Variants in SP1 observed in about 807,000 individuals in gnomAD.
SP1 encodes the protein Sp1 transcription factor, also known as transcription factor Sp1.
In SP1, 6 loss-of-function variants were observed where a neutral mutation model predicts 66.3. The observed-to-expected ratio is 0.09, with a 90% CI of 0.05 to 0.18. The LOEUF is 0.18. Ranked by LOEUF, SP1 falls within the 10% of genes least tolerant of loss-of-function variation. The pLI, the probability that SP1 is intolerant of heterozygous loss-of-function variation, is 1.00. For synonymous variants in SP1, 417 were observed against 360.8 expected (o/e 1.16, Z -1.77); for missense variants, 848 against 964.5 (o/e 0.88, Z 1.60).
chr12:53,392,145 A>G (rs1027273664), intron 3 of SP1, among the ~76,000 whole-genome samples: 4 of 152,068 alleles, frequency 2.6e-5, no homozygotes, highest in Non-Finnish European at 4.4e-5. Flanking sequence ...CTTCTCACCT[A>G]TATACAAAAT....
At chr12:53,391,846 C>G (rs1429847947) in intron 3 of SP1, among the ~76,000 whole-genome samples, 1 of 151,668 alleles carries the variant, frequency 6.6e-6, no homozygotes, top group African/African-American at 2.4e-5. Context: ...TGAGAACATG[C>G]AGTATTTTGT....
At chr12:53,385,742 G>A (rs952967694) in intron 3 of SP1, among the ~76,000 whole-genome samples, 31 of 151,910 alleles carry the variant, frequency 2.0e-4, no homozygotes, top group African/African-American at 4.1e-4. Context: ...GTGAAACCCC[G>A]TCTCTACTAA....
chr12:53,387,840 G>T (rs1046395947), intron 3 of SP1, among the ~76,000 whole-genome samples: 3 of 152,050 alleles, frequency 2.0e-5, no homozygotes, highest in African/African-American at 7.2e-5. Context: ...AAAAAAATTA[G>T]CTGGGCGTGG....
At chr12:53,404,573 A>G (rs1360572698) in intron 3 of SP1, among the ~76,000 whole-genome samples, 2 of 151,824 alleles carry the variant, frequency 1.3e-5, no homozygotes, top group African/African-American at 2.4e-5. Context: ...ATTATCTGTC[A>G]CTTTTTACCA....
chr12:53,381,952 C>T (rs1938110114), intron 2 of SP1, 139 bp downstream of exon 2: 8 of 1,192,184 alleles, frequency 6.7e-6, no homozygotes, highest in South Asian at 1.5e-5. Flanking sequence ...TGGAGATCCC[C>T]AAAGACAAAG....
At position 53,412,828 on chromosome 12, in the gene SP1, C is replaced by G. The variant is rs1938922020; in HGVS notation, c.*1588C>G. The G allele has an allele frequency of 6.6e-6, 1 of 152,460 alleles. No individual in the cohort carries two copies. 9.4% of individuals were successfully genotyped at this position (152,460 alleles called of 1,614,324 possible). On this transcript the variant is annotated 3_prime_UTR_variant, in exon 6 of 6. Coordinates refer to ENST00000327443, the MANE Select transcript of SP1 (RefSeq NM_138473.3). ...TTTGGCACTGAGATTTAAATGCAACCAGAATTGTCCTCAAGGCCCAGCCAT... is the reference window on the plus strand; with the variant it reads ...TTTGGCACTGAGATTTAAATGCAACGAGAATTGTCCTCAAGGCCCAGCCAT...
At chr12:53,380,995 A>G (rs36065378) in intron 1 of SP1, among the ~76,000 whole-genome samples, 21,504 of 113,698 alleles carry the variant, frequency 0.19, 1,880 homozygotes, top group Admixed American at 0.25. Context: ...CTTGTTACCC[A>G]GACTGGAATG....
At position 53,411,649 on chromosome 12, in the gene SP1, T is replaced by C. The variant is rs1449636383; in HGVS notation, c.*409T>C. The stretch of plus-strand genomic sequence containing the variant: ...ACTTTTTAACAAAAAACAGATTCTA[T>C]ATTATTATATATATATATATATATA... On this transcript the variant is annotated 3_prime_UTR_variant, in exon 6 of 6. Coordinates refer to ENST00000327443, the MANE Select transcript of SP1 (RefSeq NM_138473.3). 1 of 135,730 alleles carries C rather than the reference T, an allele frequency of 7.4e-6. No individual in the cohort carries two copies. The highest frequency in any genetic ancestry group is 3.2e-5 in the African/African-American group (1 of 31,720). The allele number at this position is 135,730 out of a possible 1,614,324, so 8.4% of individuals were successfully genotyped here. A position where few individuals can be genotyped will look rare whatever the true frequency, so the allele number is the denominator to read the frequency against.
In SP1 at chr12:53,384,994, A is replaced by T. The variant is rs1374587945; in HGVS notation, c.1675+1372A>T. 4.8e-5 allele frequency among the ~76,000 whole-genome samples: 7 copies of T among 145,090 alleles called. No homozygotes were observed. In the East Asian group the frequency reaches 1.4e-3, roughly 29 times the overall value. The stretch of plus-strand genomic sequence containing the variant: ...AGTGAGACTCTGAAAAAAAAAAAAA[A>T]TACAAAAATTAGTCGGGTGGCTGGG... On this transcript the variant is annotated intron_variant, in intron 3 of 5. Transcript: ENST00000327443.
rs1311863755 is a variant in SP1 at position 53,380,295 on chromosome 12, A to G, written c.4A>G (p.Ser2Gly). The change falls in exon 1 of 6, where the codon AGC becomes GGC. Residue 2 changes from serine to glycine, a missense_variant. Physicochemically the swap from Ser to Gly is moderately conservative, Grantham distance 56. This residue lies in a region of SP1 where 84 missense variants were observed against 73.9 expected (regional missense o/e 1.14). Coordinates refer to ENST00000327443, the MANE Select transcript of SP1 (RefSeq NM_138473.3). The part of the protein sequence containing the change: M[S>G]DQDHSMDEMT... ...AGCTTGTCCCTCAGCTGCCACCATG[A>G]GCGGTAAGGATGAGTCCACTCCAAG... 3 of 1,437,352 alleles carry G rather than the reference A, an allele frequency of 2.1e-6. No homozygotes were observed. The highest frequency in any genetic ancestry group is 2.8e-6 in the Non-Finnish European group (3 of 1,064,396). 89.0% of individuals were successfully genotyped at this position (1,437,352 alleles called of 1,614,324 possible).
Position 53,380,236 on chromosome 12 carries a change from G to GGGCCC in SP1, c.-56_-55insGGCCC. On this transcript the variant is annotated 5_prime_UTR_variant, in exon 1 of 6. Coordinates refer to ENST00000327443, the MANE Select transcript of SP1 (RefSeq NM_138473.3). Reference sequence around the variant, plus strand: ...CTCGTCAGCGTCCGCGTTTTTCCCGGCCCCCCCCAACCCCCCCGGACAGGA... The same window carrying GGGCCC: ...CTCGTCAGCGTCCGCGTTTTTCCCGGGGCCCCCCCCCCCAACCCCCCCGGACAGGA... 9.8e-7 allele frequency: 1 copy of GGGCCC among 1,023,202 alleles called. No homozygotes were observed. The allele number at this position is 1,023,202 out of a possible 1,614,324, so 63.4% of individuals were successfully genotyped here.
intron 3 of SP1, among the ~76,000 whole-genome samples, chr12:53,384,657 T>G (rs1938185728): frequency 6.6e-6 from 1 of 152,222 alleles, no homozygotes; most frequent in African/African-American, 2.4e-5. Flanking sequence ...CTCTAAGGCC[T>G]TCTTTGGCCT....
At position 53,414,362 on chromosome 12, in the gene SP1, C is replaced by G. The variant is rs150168468; in HGVS notation, c.*3122C>G. The G allele has an allele frequency of 3.3e-3, 510 of 152,698 alleles. 6 individuals are homozygous for G. Among genetic ancestry groups the G allele is most frequent in the Admixed American group, 0.019 (294 of 15,280 alleles). The allele number at this position is 152,698 out of a possible 1,614,324, so 9.5% of individuals were successfully genotyped here. A position where few individuals can be genotyped will look rare whatever the true frequency, so the allele number is the denominator to read the frequency against. ...TCTCACTTTTTACCCAGAACAGTAA[C>G]AACCCACACCGTCTTCCTTCAGGGA... On this transcript the variant is annotated 3_prime_UTR_variant, in exon 6 of 6. Coordinates refer to ENST00000327443, the MANE Select transcript of SP1 (RefSeq NM_138473.3).
Position 53,380,574 on chromosome 12 carries a change from C to A in SP1, c.7+276C>A, listed in dbSNP as rs1170159224. 193 of 832,278 alleles carry A rather than the reference C, an allele frequency of 2.3e-4. 1 individual carries two copies. The highest frequency in any genetic ancestry group is 2.2e-4 in the Non-Finnish European group (148 of 668,800). 51.6% of individuals were successfully genotyped at this position (832,278 alleles called of 1,614,324 possible). ...GCCACGGGGGACGGGCCTTACCCCCCACTACTCGGCCGCCCGCCTGAGGCT... is the reference window on the plus strand; with the variant it reads ...GCCACGGGGGACGGGCCTTACCCCCAACTACTCGGCCGCCCGCCTGAGGCT... On this transcript the variant is annotated intron_variant, in intron 1 of 5. Transcript: ENST00000327443.
intron 3 of SP1, among the ~76,000 whole-genome samples, chr12:53,387,923 G>A (rs990869280): frequency 2.0e-5 from 3 of 151,968 alleles, no homozygotes; most frequent in East Asian, 1.9e-4. Flanking sequence ...GAGGCAGAGC[G>A]TGCAGTGAGC....
chr12:53,396,104 AG>A (rs1938483074), intron 3 of SP1, among the ~76,000 whole-genome samples: 1 of 151,878 alleles, frequency 6.6e-6, no homozygotes, highest in Non-Finnish European at 1.5e-5. Context: ...TGGGCGACAG[AG>A]TGAGACTCTT....
intron 3 of SP1, among the ~76,000 whole-genome samples, chr12:53,405,388 G>C (rs540387202): frequency 1.1e-4 from 17 of 152,248 alleles, no homozygotes; most frequent in East Asian, 7.7e-4. Context: ...TTTCCGGCTG[G>C]ACATGGTGGC....
intron 3 of SP1, among the ~76,000 whole-genome samples, chr12:53,404,927 C>A (rs939176314): frequency 6.6e-6 from 1 of 152,078 alleles, no homozygotes; most frequent in Non-Finnish European, 1.5e-5. Flanking sequence ...CCTCTGCCTC[C>A]TGGGTTCAAG....
At chr12:53,399,224 A>G (rs1555197955) in intron 3 of SP1, among the ~76,000 whole-genome samples, 2 of 152,178 alleles carry the variant, frequency 1.3e-5, no homozygotes, top group Non-Finnish European at 2.9e-5. Flanking sequence ...TCCTTATCAA[A>G]TATTTGATTA....
Sources: gnomAD v4.1 joint callset for allele counts (sites outside exome capture counted in the v4.1 genomes callset) on GRCh38, gnomAD v4.1.1 for gene constraint, gnomAD v4.1.1 regional missense constraint, MANE v1.5 for transcripts, NCBI Gene and HGNC (gene_info 2026-07-23, HGNC 2026-07-21) for gene names.